Variants in SH3RF1 observed in about 807,000 individuals in gnomAD.
SH3RF1 encodes the protein E3 ubiquitin-protein ligase SH3RF1.
In SH3RF1, 32 loss-of-function variants were observed where a neutral mutation model predicts 74.0. The observed-to-expected ratio is 0.43, with a 90% CI of 0.33 to 0.58. The LOEUF (loss-of-function observed/expected upper bound fraction) is 0.58. SH3RF1 is among the 20% of genes least tolerant of loss of function. The probability of loss-of-function intolerance (pLI) is 0.05; values close to 1 mark genes in which losing one functional copy is unlikely to be tolerated. For missense variants in SH3RF1, 954 were observed against 1,130.9 expected (o/e 0.84, Z 2.24); for synonymous variants, 396 against 439.6 (o/e 0.90, Z 1.24).
At chr4:169,137,711 A>G (rs932309450) in intron 4 of SH3RF1, among the ~76,000 whole-genome samples, 24 of 152,164 alleles carry the variant, frequency 1.6e-4, no homozygotes, top group African/African-American at 2.4e-4. Flanking sequence ...AGATCACTCT[A>G]CTAGAAGAAT....
intron 2 of SH3RF1, among the ~76,000 whole-genome samples, chr4:169,210,874 C>T (rs1340004391): frequency 6.6e-6 from 1 of 152,174 alleles, no homozygotes; most frequent in Non-Finnish European, 1.5e-5. Context: ...TGCACAGAGC[C>T]GGAGTCTCTC....
Position 169,220,931 on chromosome 4 carries a change from T to C in SH3RF1, c.393+47889A>G, listed in dbSNP as rs140875400. Among the ~76,000 whole-genome samples the C allele has an allele frequency of 9.2e-3, 1,406 of 152,284 alleles. 12 individuals are homozygous for C. The highest frequency in any genetic ancestry group is 0.014 in the Non-Finnish European group (944 of 68,018). ...AATGAGATTAAAGATCAGGCACAGGTTAAATTTGCCTTCAAGGCAGAAGTT... is the reference window on the plus strand; with the variant it reads ...AATGAGATTAAAGATCAGGCACAGGCTAAATTTGCCTTCAAGGCAGAAGTT... On this transcript the variant is annotated intron_variant, in intron 2 of 11. Transcript: ENST00000284637.
intron 2 of SH3RF1, among the ~76,000 whole-genome samples, chr4:169,239,854 C>G (rs1397215669): frequency 1.3e-5 from 2 of 151,992 alleles, no homozygotes; most frequent in African/African-American, 4.8e-5. Context: ...AACCCCGTCT[C>G]TAATGAAAAA....
intron 2 of SH3RF1, among the ~76,000 whole-genome samples, chr4:169,211,254 G>A (rs1003643957): frequency 1.2e-4 from 19 of 152,134 alleles, no homozygotes; most frequent in East Asian, 1.2e-3. Flanking sequence ...AGGCCAAGGC[G>A]GGCAGATCAT....
intron 11 of SH3RF1, among the ~76,000 whole-genome samples, chr4:169,104,608 A>G (rs979059246): frequency 4.6e-5 from 7 of 152,194 alleles, no homozygotes; most frequent in African/African-American, 1.2e-4. Context: ...AAAAATAAAT[A>G]TCATAAATTG....
intron 2 of SH3RF1, among the ~76,000 whole-genome samples, chr4:169,183,281 C>T (rs1383743899): frequency 6.6e-6 from 1 of 152,180 alleles, no homozygotes; most frequent in Non-Finnish European, 1.5e-5. Flanking sequence ...GCCTGGGCAA[C>T]AGAGCAAGAC....
At chr4:169,215,547 A>G (rs1730448259) in intron 2 of SH3RF1, among the ~76,000 whole-genome samples, 1 of 152,164 alleles carries the variant, frequency 6.6e-6, no homozygotes, top group Non-Finnish European at 1.5e-5. Flanking sequence ...AGTGTTTGGT[A>G]GAATTCATCA....
At chr4:169,151,440 T>G (rs909493846) in intron 4 of SH3RF1, among the ~76,000 whole-genome samples, 7 of 152,182 alleles carry the variant, frequency 4.6e-5, no homozygotes, top group African/African-American at 1.7e-4. Flanking sequence ...CATAGTCACT[T>G]AGATAATTAG....
chr4:169,205,064 T>C (rs1223381075), intron 2 of SH3RF1, among the ~76,000 whole-genome samples: 1 of 152,068 alleles, frequency 6.6e-6, no homozygotes, highest in Non-Finnish European at 1.5e-5. Context: ...TGCAGTGGAG[T>C]TACCTGATGT....
intron 2 of SH3RF1, among the ~76,000 whole-genome samples, chr4:169,251,598 TG>T (rs1223602426): frequency 3.9e-5 from 6 of 152,226 alleles, no homozygotes; most frequent in African/African-American, 1.4e-4. Context: ...AAGCTTTTAA[TG>T]GACAGGTACA....
At chr4:169,191,533 A>T (rs1260916447) in intron 2 of SH3RF1, among the ~76,000 whole-genome samples, 2 of 152,210 alleles carry the variant, frequency 1.3e-5, no homozygotes, top group African/African-American at 4.8e-5. Flanking sequence ...TTGAGGAATT[A>T]GAAAAAACAA....
chr4:169,116,494 T>C lies in SH3RF1; in HGVS notation c.1914A>G (p.Pro638=). Residue 638 remains proline, a synonymous_variant, in exon 10 of 12, where the codon CCA becomes CCG. Coordinates refer to ENST00000284637, the MANE Select transcript of SH3RF1 (RefSeq NM_020870.4). ...TGGCAGCAGTGTGCGTGGCTGAGCC[T>C]GGCATCAGAGGCGCAGGTTGTGGGG... is the stretch of plus-strand genomic sequence containing the variant. ...LASPQPAPLM[P]GSATHTAAIS... 1 of 1,613,558 alleles carries C rather than the reference T, an allele frequency of 6.2e-7. No homozygotes were observed.
intron 2 of SH3RF1, among the ~76,000 whole-genome samples, chr4:169,198,714 TATC>T (rs1459009837): frequency 6.6e-6 from 1 of 152,080 alleles, no homozygotes; most frequent in East Asian, 1.9e-4. Context: ...CTAGACATAT[TATC>T]ATAAAATTGC....
intron 2 of SH3RF1, among the ~76,000 whole-genome samples, chr4:169,242,136 TG>T (rs1730922810): frequency 6.6e-6 from 1 of 152,088 alleles, no homozygotes; most frequent in African/African-American, 2.4e-5. Flanking sequence ...TTTTTTTTTT[TG>T]TAGAGGAGTG....
At chr4:169,234,055 T>C (rs939843697) in intron 2 of SH3RF1, among the ~76,000 whole-genome samples, 5 of 152,334 alleles carry the variant, frequency 3.3e-5, no homozygotes, top group Non-Finnish European at 7.3e-5. Flanking sequence ...CTCTGTTAAC[T>C]CTCAGTCTCT....
chr4:169,208,167 A>G (rs565897682), intron 2 of SH3RF1, among the ~76,000 whole-genome samples: 1 of 148,972 alleles, frequency 6.7e-6, no homozygotes, highest in Non-Finnish European at 1.5e-5. Context: ...TTTTTTTCCT[A>G]AAAGGAAACC....
At chr4:169,147,773 G>A (rs991147865) in intron 4 of SH3RF1, among the ~76,000 whole-genome samples, 4 of 152,094 alleles carry the variant, frequency 2.6e-5, no homozygotes, top group Non-Finnish European at 5.9e-5. Context: ...TCCTGTTCAA[G>A]TCATTTATAT....
intron 2 of SH3RF1, among the ~76,000 whole-genome samples, chr4:169,187,345 A>G (rs1734623298): frequency 2.6e-5 from 4 of 152,102 alleles, no homozygotes. Context: ...GATGCACGTC[A>G]CCATGCTTGG....
chr4:169,151,087 G>T (rs537041670), intron 4 of SH3RF1, among the ~76,000 whole-genome samples: 10 of 152,280 alleles, frequency 6.6e-5, no homozygotes, highest in Admixed American at 3.3e-4. Flanking sequence ...AAACATGTTT[G>T]TTTTGAGTTT....
Sources: allele counts gnomAD v4.1 joint callset (sites outside exome capture counted in the v4.1 genomes callset), GRCh38; gene constraint gnomAD v4.1.1; transcripts MANE v1.5; gene names NCBI Gene and HGNC (gene_info 2026-07-23, HGNC 2026-07-21).